The following LYRM4 variants were observed in gnomAD, a reference collection of about 807,000 sequenced individuals.
LYRM4 encodes the protein LYR motif containing 4, also known as LYR motif-containing protein 4.
In LYRM4, 9 loss-of-function variants were observed where a neutral mutation model predicts 11.7. The observed-to-expected ratio is 0.77, with a 90% confidence interval of 0.46 to 1.34. The LOEUF is 1.34. Among genes scored for constraint, LYRM4 ranks in the 40% most tolerant of loss-of-function variants. The probability of loss-of-function intolerance (pLI) is 0.00; values close to 1 mark genes in which losing one functional copy is unlikely to be tolerated. For synonymous variants in LYRM4, 42 were observed against 40.4 expected, an observed-to-expected ratio of 1.04 and a Z score of -0.15; for missense variants, 133 against 112.5, an observed-to-expected ratio of 1.18 and a Z score of -0.82.
intron 2 of LYRM4, among the ~76,000 whole-genome samples, chr6:5,154,801 A>G (rs1581394406): frequency 6.6e-6 from 1 of 152,180 alleles, no homozygotes; most frequent in Non-Finnish European, 1.5e-5. Context: ...CCTGGGCGAC[A>G]GAGCGAGACT....
At chr6:5,206,813 C>T (rs1428007852) in intron 2 of LYRM4, among the ~76,000 whole-genome samples, 2 of 151,980 alleles carry the variant, frequency 1.3e-5, no homozygotes, top group African/African-American at 4.8e-5. Flanking sequence ...AAACTAAGGG[C>T]ATTCTGGTAC....
chr6:5,245,219 C>A (rs1764142308), intron 1 of LYRM4, among the ~76,000 whole-genome samples: 1 of 127,288 alleles, frequency 7.9e-6, no homozygotes, highest in Admixed American at 9.0e-5. Context: ...TTTGGGAAAA[C>A]AGCACCTGAT....
chr6:5,259,039 T>C (rs935636174), intron 1 of LYRM4, among the ~76,000 whole-genome samples: 1 of 152,188 alleles, frequency 6.6e-6, no homozygotes, highest in African/African-American at 2.4e-5. Context: ...AACAGTCTAT[T>C]TCATAAACAA....
chr6:5,168,436 G>A (rs1759218478), intron 2 of LYRM4, among the ~76,000 whole-genome samples: 1 of 152,202 alleles, frequency 6.6e-6, no homozygotes, highest in African/African-American at 2.4e-5. Context: ...CATCATGCAT[G>A]CAGTATTCTT....
chr6:5,143,600 C>T (rs1250122721), intron 2 of LYRM4, among the ~76,000 whole-genome samples: 1 of 152,192 alleles, frequency 6.6e-6, no homozygotes, highest in Non-Finnish European at 1.5e-5. Context: ...AGGAAGAAAT[C>T]GGCTTTGTCA....
At chr6:5,241,188 A>T (rs1763857475) in intron 1 of LYRM4, among the ~76,000 whole-genome samples, 2 of 151,454 alleles carry the variant, frequency 1.3e-5, no homozygotes, top group Admixed American at 6.6e-5. Context: ...GATGGTTAAT[A>T]AAAAAAAAGA....
chr6:5,089,736 A>G, the LYRM4 span, among the ~76,000 whole-genome samples: 1 of 152,252 alleles, frequency 6.6e-6, no homozygotes, highest in African/African-American at 2.4e-5. Flanking sequence ...CTCAGAGACT[A>G]GTGCGTCAAA....
chr6:5,109,794 C>T (rs1166183134), intron 2 of LYRM4, among the ~76,000 whole-genome samples: 1 of 152,242 alleles, frequency 6.6e-6, no homozygotes, highest in African/African-American at 2.4e-5. Flanking sequence ...GGTGGCAGAG[C>T]TGTCAGATGT....
intron 2 of LYRM4, among the ~76,000 whole-genome samples, chr6:5,147,829 C>T (rs1284600389): frequency 6.6e-6 from 1 of 152,092 alleles, no homozygotes. Flanking sequence ...TTAATATTCC[C>T]GAGGAAGTAA....
chr6:5,191,653 T>C (rs1760763007), intron 2 of LYRM4, among the ~76,000 whole-genome samples: 1 of 152,138 alleles, frequency 6.6e-6, no homozygotes, highest in South Asian at 2.1e-4. Flanking sequence ...AATCACCATA[T>C]TGCAACCACT....
intron 2 of LYRM4, among the ~76,000 whole-genome samples, chr6:5,195,621 G>C (rs1761007365): frequency 6.6e-6 from 1 of 152,162 alleles, no homozygotes. Context: ...GTGACAAAGT[G>C]AGAGACCCTG....
At chr6:5,059,340 CAAAAAA>C in the LYRM4 span, among the ~76,000 whole-genome samples, 1 of 86,018 alleles carries the variant, frequency 1.2e-5, no homozygotes. Context: ...CGCCCTGTCT[CAAAAAA>C]AAAAAAAAAA....
intron 2 of LYRM4, among the ~76,000 whole-genome samples, chr6:5,200,889 C>T (rs1296887345): frequency 2.6e-5 from 4 of 152,182 alleles, no homozygotes; most frequent in Non-Finnish European, 5.9e-5. Flanking sequence ...GGTAAAAGTC[C>T]CGTCTTTGAA....
At chr6:5,041,333 A>G in the LYRM4 span, among the ~76,000 whole-genome samples, 2 of 152,234 alleles carry the variant, frequency 1.3e-5, no homozygotes, top group Non-Finnish European at 2.9e-5. Flanking sequence ...CCCAAAATTA[A>G]GTGCCTGGCC....
the LYRM4 span, among the ~76,000 whole-genome samples, chr6:5,053,842 A>G: frequency 6.6e-6 from 1 of 152,172 alleles, no homozygotes; most frequent in African/African-American, 2.4e-5. Context: ...TATCAAGCAT[A>G]TATACATTCA....
At chr6:5,178,309 A>C (rs943229050) in intron 2 of LYRM4, among the ~76,000 whole-genome samples, 2 of 152,146 alleles carry the variant, frequency 1.3e-5, no homozygotes, top group Non-Finnish European at 1.5e-5. Context: ...TCATAAACTA[A>C]AACTGAAGGC....
chr6:5,258,854 G>T (rs550607190), intron 1 of LYRM4, among the ~76,000 whole-genome samples: 39 of 152,236 alleles, frequency 2.6e-4, no homozygotes, highest in African/African-American at 8.4e-4. Flanking sequence ...TGCCTTTCAG[G>T]TAGAGTCTTG....
chr6:5,091,693 CCTA>C, the LYRM4 span, among the ~76,000 whole-genome samples: 1 of 152,152 alleles, frequency 6.6e-6, no homozygotes, highest in Non-Finnish European at 1.5e-5. Flanking sequence ...GTGAGATTTT[CCTA>C]CTGAGTTGGT....
chr6:5,045,305 A>G, the LYRM4 span, among the ~76,000 whole-genome samples: 32 of 152,352 alleles, frequency 2.1e-4, no homozygotes, highest in Admixed American at 2.1e-3. Context: ...AAGTCCCGCC[A>G]CGTGCTACAA....
Sources: gnomAD v4.1 joint callset for allele counts (sites outside exome capture counted in the v4.1 genomes callset) on GRCh38, gnomAD v4.1.1 for gene constraint, MANE v1.5 for transcripts, NCBI Gene and HGNC (gene_info 2026-07-23, HGNC 2026-07-21) for gene names.